KCNH5: variants seen among roughly 807,000 people sequenced by gnomAD.
KCNH5 encodes the protein voltage-gated delayed rectifier potassium channel KCNH5.
A neutral mutation model predicts 96.1 loss-of-function variants in KCNH5; 46 were observed. That is an observed-to-expected ratio of 0.48 (90% CI 0.38 to 0.61). The LOEUF (loss-of-function observed/expected upper bound fraction) is 0.61, where lower values mean the gene tolerates loss of function less well. Among genes scored for constraint, KCNH5 ranks in the 20% least tolerant of loss-of-function variants. KCNH5 has a pLI of 0.00. For synonymous variants in KCNH5, 439 were observed against 449.8 expected, an observed-to-expected ratio of 0.98 and a Z score of 0.30; for missense variants, 907 against 1,225.8, an observed-to-expected ratio of 0.74 and a Z score of 3.88.
At chr14:62,792,944 C>A (rs759554411) in intron 9 of KCNH5, among the ~76,000 whole-genome samples, 1 of 151,668 alleles carries the variant, frequency 6.6e-6, no homozygotes, top group Non-Finnish European at 1.5e-5. Flanking sequence ...CGTATGCATA[C>A]AATGGAATAT....
chr14:62,769,622 G>A (rs977390786), intron 10 of KCNH5, among the ~76,000 whole-genome samples: 3 of 152,142 alleles, frequency 2.0e-5, no homozygotes, highest in Non-Finnish European at 4.4e-5. Flanking sequence ...AACTCTAATC[G>A]TGATTTAACA....
intron 4 of KCNH5, among the ~76,000 whole-genome samples, chr14:62,992,164 CT>C (rs1294077766): frequency 6.6e-6 from 1 of 151,986 alleles, no homozygotes; most frequent in Non-Finnish European, 1.5e-5. Flanking sequence ...TGATTTCATT[CT>C]TTTTTATGGC....
chr14:62,992,684 G>T (rs2139581193), intron 4 of KCNH5, among the ~76,000 whole-genome samples: 1 of 151,598 alleles, frequency 6.6e-6, no homozygotes, highest in African/African-American at 2.4e-5. Flanking sequence ...TGTTGTTGTT[G>T]AATTGGGTGC....
At chr14:63,000,591 C>T (rs1890991919) in intron 4 of KCNH5, among the ~76,000 whole-genome samples, 2 of 152,160 alleles carry the variant, frequency 1.3e-5, no homozygotes, top group African/African-American at 4.8e-5. Flanking sequence ...GACTACACAA[C>T]AGAATAAATA....
intron 7 of KCNH5, among the ~76,000 whole-genome samples, chr14:62,932,250 A>G (rs925330635): frequency 3.9e-5 from 6 of 152,140 alleles, no homozygotes; most frequent in African/African-American, 1.4e-4. Context: ...AAAACTACAC[A>G]TAAACTTTCT....
chr14:62,973,459 G>T (rs547093906), intron 6 of KCNH5, among the ~76,000 whole-genome samples: 2 of 152,264 alleles, frequency 1.3e-5, no homozygotes, highest in South Asian at 4.1e-4. Flanking sequence ...ATGGATTAAT[G>T]CTGCTATAAA....
At position 62,846,789 on chromosome 14, in the gene KCNH5, C is replaced by CTTT. The variant is rs766919022; in HGVS notation, c.1569+2861_1569+2863dup. 3.6e-3 allele frequency among the ~76,000 whole-genome samples: 240 copies of CTTT among 67,478 alleles called. 74 individuals are homozygous for CTTT. Among genetic ancestry groups the CTTT allele is most frequent in the African/African-American group, 0.014 (209 of 15,068 alleles). 44.3% of individuals were successfully genotyped at this position (67,478 alleles called of 152,430 possible). The stretch of plus-strand genomic sequence containing the variant: ...ATTGTATTGTATTATTGTATTGTAT[C>CTTT]TTTTTTTTTTTTTTTTTTTTTTTTT... On this transcript the variant is annotated intron_variant, in intron 8 of 10. Transcript: ENST00000322893.
rs559663872 is a variant in KCNH5 at position 62,997,266 on chromosome 14, G to A, written c.433+4065C>T. Among the ~76,000 whole-genome samples, 3 of 152,140 alleles carry A rather than the reference G, an allele frequency of 2.0e-5. No homozygotes were observed. The South Asian group carries it at 6.2e-4, about 32-fold the overall frequency. On this transcript the variant is annotated intron_variant, in intron 4 of 10. Coordinates refer to ENST00000322893, the MANE Select transcript of KCNH5 (RefSeq NM_139318.5). ...AGAGAGTAGAAGGATGGTTACAAGA[G>A]GCTGGGAAGGGTAGTTGGGGAGTAA...
intron 7 of KCNH5, among the ~76,000 whole-genome samples, chr14:62,912,009 G>A (rs772397882): frequency 2.1e-4 from 29 of 136,628 alleles, no homozygotes; most frequent in Non-Finnish European, 3.6e-4. Context: ...CTGCATTCCA[G>A]CCTGGGTGAC....
At chr14:62,823,499 G>C (rs1241093789) in intron 8 of KCNH5, among the ~76,000 whole-genome samples, 1 of 152,146 alleles carries the variant, frequency 6.6e-6, no homozygotes, top group South Asian at 2.1e-4. Context: ...TTCATGCACA[G>C]TCTCTGTTAG....
chr14:62,819,573 A>G (rs1458158913), intron 8 of KCNH5, among the ~76,000 whole-genome samples: 1 of 152,182 alleles, frequency 6.6e-6, no homozygotes, highest in Non-Finnish European at 1.5e-5. Context: ...AAATACTAAA[A>G]ACTACTAAAT....
intron 1 of KCNH5, among the ~76,000 whole-genome samples, 164 bp downstream of exon 1, chr14:63,044,950 G>GCCACC (rs1033686319): frequency 6.6e-6 from 1 of 151,960 alleles, no homozygotes; most frequent in Non-Finnish European, 1.5e-5. Flanking sequence ...CCATCTCATT[G>GCCACC]CCACCCCACC....
chr14:63,019,358 T>C (rs1891384946), intron 1 of KCNH5, among the ~76,000 whole-genome samples: 1 of 151,910 alleles, frequency 6.6e-6, no homozygotes, highest in African/African-American at 2.4e-5. Context: ...TAAAAGTTTG[T>C]GAAAATGCAA....
intron 7 of KCNH5, among the ~76,000 whole-genome samples, chr14:62,853,481 C>CATATATATATATATATATATATG (rs1306077655): frequency 1.9e-4 from 8 of 41,334 alleles, no homozygotes; most frequent in African/African-American, 3.4e-4. Flanking sequence ...ATATATATAT[C>CATATATATATATATATATATATG]ATATATATAT....
rs1460948726 is a variant in KCNH5 at position 62,706,226 on chromosome 14, T to C, written c.*1282A>G. On this transcript the variant is annotated 3_prime_UTR_variant, in exon 11 of 11. Coordinates refer to ENST00000322893, the MANE Select transcript of KCNH5 (RefSeq NM_139318.5). ...GTCTTTAGTATCCCCCTTTCACAAATGGACCTGCCTGAGCCACAATAGCTT... is the reference window on the plus strand; with the variant it reads ...GTCTTTAGTATCCCCCTTTCACAAACGGACCTGCCTGAGCCACAATAGCTT... The C allele has an allele frequency of 6.6e-6, 1 of 152,164 alleles. No homozygotes were observed. Among genetic ancestry groups the C allele is most frequent in the Non-Finnish European group, 1.5e-5 (1 of 67,966 alleles). The allele number at this position is 152,164 out of a possible 1,614,324, so 9.4% of individuals were successfully genotyped here.
chr14:62,997,773 G>T (rs945046448), intron 4 of KCNH5, among the ~76,000 whole-genome samples: 2 of 151,534 alleles, frequency 1.3e-5, no homozygotes, highest in African/African-American at 4.9e-5. Context: ...GGTGGTGGGC[G>T]CCTGTAGTCC....
At chr14:62,903,584 C>T (rs1370854707) in intron 7 of KCNH5, among the ~76,000 whole-genome samples, 1 of 152,178 alleles carries the variant, frequency 6.6e-6, no homozygotes, top group Non-Finnish European at 1.5e-5. Flanking sequence ...GTCGCATTCT[C>T]TTAGCCCGTG....
intron 10 of KCNH5, among the ~76,000 whole-genome samples, chr14:62,735,465 A>C (rs951728649): frequency 3.3e-5 from 5 of 152,178 alleles, no homozygotes; most frequent in Admixed American, 2.6e-4. Context: ...TCTTCTTCAC[A>C]CAATACCTAA....
chr14:62,905,529 G>C lies in KCNH5; in HGVS notation c.1369+44604C>G, dbSNP rs1369991531. 2.0e-5 allele frequency among the ~76,000 whole-genome samples: 3 copies of C among 152,172 alleles called. No individual in the cohort carries two copies. The East Asian group carries it at 5.8e-4, about 29-fold the overall frequency. On this transcript the variant is annotated intron_variant, in intron 7 of 10. Transcript: ENST00000322893. ...CAGGGGAGAAGGATGACAAATGTTAGGTAAGAGTCTTGGACTTTCCCAAGA... is the reference window on the plus strand; with the variant it reads ...CAGGGGAGAAGGATGACAAATGTTACGTAAGAGTCTTGGACTTTCCCAAGA...
Sources: gnomAD v4.1 joint callset for allele counts (sites outside exome capture counted in the v4.1 genomes callset) on GRCh38, gnomAD v4.1.1 for gene constraint, MANE v1.5 for transcripts, NCBI Gene and HGNC (gene_info 2026-07-23, HGNC 2026-07-21) for gene names.